Variants in TMEM178B observed in about 807,000 individuals in gnomAD.
The protein encoded by TMEM178B is transmembrane protein 178B.
Under a neutral mutation model 31.0 loss-of-function variants are expected in TMEM178B, and 5 were observed. That is an observed-to-expected ratio of 0.16 (90% CI 0.08 to 0.34). The LOEUF (loss-of-function observed/expected upper bound fraction) is 0.34, where lower values mean the gene tolerates loss of function less well. TMEM178B is among the 10% of genes least tolerant of loss of function. The pLI is 1.00. For synonymous variants in TMEM178B, 164 were observed against 164.0 expected, an observed-to-expected ratio of 1.00 and a Z score of 0.00; for missense variants, 275 against 400.3, an observed-to-expected ratio of 0.69 and a Z score of 2.67.
rs574785951 is a variant in TMEM178B, at chr7:141,144,622, A to G, written c.383-67969A>G. On this transcript the variant is annotated intron_variant, in intron 1 of 3. Coordinates refer to ENST00000565468, the MANE Select transcript of TMEM178B (RefSeq NM_001195278.2). The stretch of plus-strand genomic sequence containing the variant: ...AGCACTGGGGGTCGGAAGTGTTTCT[A>G]AAGGATACTGGCTTGCAGAGAGCAG... Among the ~76,000 whole-genome samples, 4 of 152,296 alleles carry G rather than the reference A, an allele frequency of 2.6e-5. No individual in the cohort carries two copies. In the East Asian group the frequency reaches 5.8e-4, roughly 22 times the overall value.
At position 141,477,983 on chromosome 7, in the gene TMEM178B, T is replaced by G. The variant is rs1050764646; in HGVS notation, c.*7197T>G. 6.6e-6 allele frequency: 1 copy of G among 152,356 alleles called. No individual in the cohort carries two copies. Among genetic ancestry groups the G allele is most frequent in the African/African-American group, 2.4e-5 (1 of 41,436 alleles). 9.4% of individuals were successfully genotyped at this position (152,356 alleles called of 1,614,324 possible). A position where few individuals can be genotyped will look rare whatever the true frequency, so the allele number is the denominator to read the frequency against. On this transcript the variant is annotated 3_prime_UTR_variant, in exon 4 of 4. Transcript: ENST00000565468. ...CTGACTGAGCTTTGCTGCACTGGGC[T>G]GGGGTAGGAGAAAGAGCATCCAAGG...
intron 3 of TMEM178B, among the ~76,000 whole-genome samples, chr7:141,460,726 A>C (rs1802045722): frequency 6.6e-6 from 1 of 152,210 alleles, no homozygotes; most frequent in Non-Finnish European, 1.5e-5. Context: ...CAGGAACACA[A>C]ACCCTGCTTG....
chr7:141,335,390 A>G (rs1163752030), intron 2 of TMEM178B, among the ~76,000 whole-genome samples: 3 of 152,128 alleles, frequency 2.0e-5, no homozygotes, highest in African/African-American at 7.2e-5. Flanking sequence ...CTCTGCTCCC[A>G]GAGGGCGCTC....
At chr7:141,253,986 C>T (rs1797880288) in intron 2 of TMEM178B, among the ~76,000 whole-genome samples, 1 of 152,162 alleles carries the variant, frequency 6.6e-6, no homozygotes, top group Non-Finnish European at 1.5e-5. Flanking sequence ...GGAAAATGTG[C>T]CTCCCTGTTC....
chr7:141,103,080 C>T (rs1795084507), intron 1 of TMEM178B, among the ~76,000 whole-genome samples: 1 of 152,186 alleles, frequency 6.6e-6, no homozygotes, highest in Non-Finnish European at 1.5e-5. Flanking sequence ...AGTAGCACTT[C>T]GTGTCATTTG....
intron 2 of TMEM178B, among the ~76,000 whole-genome samples, chr7:141,405,398 C>T (rs932136160): frequency 6.6e-6 from 1 of 152,238 alleles, no homozygotes; most frequent in African/African-American, 2.4e-5. Context: ...AGTCCAGAGA[C>T]AAGGTCATAA....
chr7:141,463,416 G>A (rs181619644), intron 3 of TMEM178B, among the ~76,000 whole-genome samples: 114 of 152,332 alleles, frequency 7.5e-4, no homozygotes, highest in African/African-American at 2.6e-3. Context: ...CTTGCAGATG[G>A]ACAAAGCCGG....
At chr7:141,409,809 A>T (rs1800948536) in intron 2 of TMEM178B, among the ~76,000 whole-genome samples, 1 of 151,926 alleles carries the variant, frequency 6.6e-6, no homozygotes, top group Non-Finnish European at 1.5e-5. Flanking sequence ...TCTATCAAGC[A>T]GATGATCGTC....
At chr7:141,104,983 T>A (rs1795118281) in intron 1 of TMEM178B, among the ~76,000 whole-genome samples, 1 of 152,202 alleles carries the variant, frequency 6.6e-6, no homozygotes. Context: ...TCAGAACTGT[T>A]TGTGAACTTT....
chr7:141,143,157 C>T (rs1586793008), intron 1 of TMEM178B, among the ~76,000 whole-genome samples: 2 of 152,270 alleles, frequency 1.3e-5, no homozygotes, highest in Admixed American at 1.3e-4. Flanking sequence ...AATATTCTTC[C>T]ATTCTGTAGG....
chr7:141,142,769 C>G (rs995010510), intron 1 of TMEM178B, among the ~76,000 whole-genome samples: 6 of 152,220 alleles, frequency 3.9e-5, no homozygotes, highest in African/African-American at 1.4e-4. Context: ...AATGGTAGCT[C>G]TCTTTTAAGT....
At chr7:141,416,599 A>G (rs930706766) in intron 2 of TMEM178B, among the ~76,000 whole-genome samples, 7 of 152,356 alleles carry the variant, frequency 4.6e-5, no homozygotes, top group South Asian at 2.1e-4. Flanking sequence ...AATCAAACAC[A>G]CCGTTTCCTT....
intron 1 of TMEM178B, among the ~76,000 whole-genome samples, chr7:141,117,160 A>G (rs537854090): frequency 1.3e-5 from 2 of 152,318 alleles, no homozygotes; most frequent in African/African-American, 2.4e-5. Flanking sequence ...ATTTCTCCAC[A>G]TCCTCTCCAG....
intron 2 of TMEM178B, among the ~76,000 whole-genome samples, chr7:141,255,543 T>C (rs1018260027): frequency 6.6e-6 from 1 of 152,178 alleles, no homozygotes; most frequent in African/African-American, 2.4e-5. Context: ...CTTTGTAAAA[T>C]GTTGAGAATT....
chr7:141,153,184 C>T (rs1465180120), intron 1 of TMEM178B, among the ~76,000 whole-genome samples: 1 of 152,046 alleles, frequency 6.6e-6, no homozygotes, highest in Non-Finnish European at 1.5e-5. Flanking sequence ...TTCCATGTAC[C>T]CACATGTGTA....
At chr7:141,316,721 C>T (rs531300487) in intron 2 of TMEM178B, among the ~76,000 whole-genome samples, 10 of 152,284 alleles carry the variant, frequency 6.6e-5, no homozygotes, top group African/African-American at 2.4e-4. Context: ...TGTCTGTTTT[C>T]GATGTCATTG....
chr7:141,324,941 G>A (rs374999420), intron 2 of TMEM178B, among the ~76,000 whole-genome samples: 3 of 152,128 alleles, frequency 2.0e-5, no homozygotes, highest in Middle Eastern at 6.8e-3. Context: ...TGACAGCATC[G>A]TGGTTGCTCT....
At chr7:141,217,974 G>C (rs893830245) in intron 2 of TMEM178B, among the ~76,000 whole-genome samples, 4 of 152,066 alleles carry the variant, frequency 2.6e-5, no homozygotes, top group Non-Finnish European at 5.9e-5. Flanking sequence ...TCAGGACTGA[G>C]GGTTCAACTA....
At chr7:141,251,014 C>T (rs983061139) in intron 2 of TMEM178B, among the ~76,000 whole-genome samples, 30 of 152,088 alleles carry the variant, frequency 2.0e-4, no homozygotes, top group African/African-American at 7.2e-4. Context: ...CTCTATGTTT[C>T]CCTAAAGGGT....
Sources: allele counts gnomAD v4.1 joint callset (sites outside exome capture counted in the v4.1 genomes callset), GRCh38; gene constraint gnomAD v4.1.1; transcripts MANE v1.5; gene names NCBI Gene and HGNC (gene_info 2026-07-23, HGNC 2026-07-21).